Variants in CTNNA2 observed in about 807,000 individuals in gnomAD.
CTNNA2 encodes the protein catenin alpha-2.
A neutral mutation model predicts 101.0 loss-of-function variants in CTNNA2; 42 were observed. The ratio of observed to expected loss-of-function variants is 0.42; its 90% CI spans 0.32 to 0.54. CTNNA2 has a LOEUF of 0.54. CTNNA2 is among the 20% of genes least tolerant of loss of function. The pLI is 0.14. For missense variants in CTNNA2, 871 were observed against 1,223.1 expected (o/e 0.71, Z 4.29); for synonymous variants, 450 against 456.4 (o/e 0.99, Z 0.18).
chr2:79,661,102 A>T lies in CTNNA2; in HGVS notation c.102+9444A>T, dbSNP rs73938770. Among the ~76,000 whole-genome samples, 1,151 of 152,306 alleles carry T rather than the reference A, an allele frequency of 7.6e-3. 9 individuals are homozygous for T. Among genetic ancestry groups the T allele is most frequent in the African/African-American group, 0.026 (1,092 of 41,560 alleles). ...AACACACACCACCCTGTGCCATGTGATAAGTCACTTCTTTCCTCACCTTCA... is the reference window on the plus strand; with the variant it reads ...AACACACACCACCCTGTGCCATGTGTTAAGTCACTTCTTTCCTCACCTTCA... On this transcript the variant is annotated intron_variant, in intron 2 of 18. Transcript: ENST00000402739.
At chr2:80,484,357 A>T (rs540419661) in intron 9 of CTNNA2, among the ~76,000 whole-genome samples, 2 of 152,338 alleles carry the variant, frequency 1.3e-5, no homozygotes, top group South Asian at 4.1e-4. Flanking sequence ...GTGTGTGTGC[A>T]TTAGAGAGCT....
intron 7 of CTNNA2, among the ~76,000 whole-genome samples, chr2:80,331,020 T>C (rs1009607892): frequency 1.1e-4 from 12 of 107,106 alleles, no homozygotes; most frequent in Non-Finnish European, 1.7e-4. Flanking sequence ...TTAAACTGTA[T>C]GTTTTTTTTT....
intron 7 of CTNNA2, among the ~76,000 whole-genome samples, chr2:80,179,282 C>G (rs990537707): frequency 2.0e-5 from 3 of 152,204 alleles, no homozygotes; most frequent in African/African-American, 7.2e-5. Context: ...TGTCATTCTC[C>G]AAGATCCATC....
chr2:79,562,706 T>C (rs1261743910), intron 1 of CTNNA2, among the ~76,000 whole-genome samples: 2 of 152,102 alleles, frequency 1.3e-5, no homozygotes, highest in African/African-American at 4.8e-5. Context: ...AAAGAAATGC[T>C]TTGGGTATAT....
intron 7 of CTNNA2, among the ~76,000 whole-genome samples, chr2:80,268,212 A>G (rs767421301): frequency 1.1e-4 from 17 of 152,240 alleles, no homozygotes; most frequent in Non-Finnish European, 2.1e-4. Context: ...GGCTGGCACT[A>G]TTTTAAAGCA....
chr2:79,732,451 A>G (rs1482871851), intron 2 of CTNNA2, among the ~76,000 whole-genome samples: 1 of 152,134 alleles, frequency 6.6e-6, no homozygotes, highest in Non-Finnish European at 1.5e-5. Flanking sequence ...GCCAAATGTT[A>G]TAATAGAAAT....
chr2:79,501,919 T>G (rs1671324239), intron 4 of CTNNA2, among the ~76,000 whole-genome samples: 1 of 152,116 alleles, frequency 6.6e-6, no homozygotes, highest in African/African-American at 2.4e-5. Context: ...CTCATTGAAC[T>G]TTCTATTGCT....
intron 2 of CTNNA2, among the ~76,000 whole-genome samples, chr2:79,255,032 G>C (rs1250836932): frequency 6.6e-6 from 1 of 152,106 alleles, no homozygotes. Context: ...ACCTGAGAGA[G>C]GGTATTGGAA....
chr2:79,602,438 T>C (rs1187734124), intron 1 of CTNNA2, among the ~76,000 whole-genome samples: 1 of 152,136 alleles, frequency 6.6e-6, no homozygotes, highest in Non-Finnish European at 1.5e-5. Context: ...GCAAGGAATC[T>C]TTTCTTTAAA....
chr2:79,712,408 C>T (rs1685796691), intron 2 of CTNNA2, among the ~76,000 whole-genome samples: 1 of 152,178 alleles, frequency 6.6e-6, no homozygotes, highest in Non-Finnish European at 1.5e-5. Flanking sequence ...CTCTAAACAG[C>T]TGTGCAGCTT....
At chr2:80,332,692 G>A (rs1671439364) in intron 7 of CTNNA2, among the ~76,000 whole-genome samples, 1 of 152,196 alleles carries the variant, frequency 6.6e-6, no homozygotes, top group African/African-American at 2.4e-5. Flanking sequence ...AGCAGGCATG[G>A]TATGATCTTA....
chr2:79,735,460 GA>G (rs1670807201), intron 2 of CTNNA2, among the ~76,000 whole-genome samples: 1 of 152,036 alleles, frequency 6.6e-6, no homozygotes, highest in South Asian at 2.1e-4. Flanking sequence ...CTTTAGCCTA[GA>G]AAAATTTTAA....
intron 9 of CTNNA2, among the ~76,000 whole-genome samples, chr2:80,543,085 A>G (rs1046406651): frequency 6.6e-5 from 10 of 152,236 alleles, no homozygotes; most frequent in African/African-American, 2.4e-4. Flanking sequence ...ACTGTCTACA[A>G]TAAGTTACAC....
chr2:80,566,079 C>A (rs1261581431), intron 12 of CTNNA2, among the ~76,000 whole-genome samples: 1 of 152,124 alleles, frequency 6.6e-6, no homozygotes, highest in Non-Finnish European at 1.5e-5. Flanking sequence ...TTACTTAGGG[C>A]ATAGCTATTT....
intron 7 of CTNNA2, among the ~76,000 whole-genome samples, chr2:80,103,548 T>C (rs972285484): frequency 6.6e-6 from 1 of 152,162 alleles, no homozygotes. Context: ...GCACCTGCTA[T>C]ATGAATCAGC....
chr2:80,014,373 T>G (rs1367532645), intron 7 of CTNNA2, among the ~76,000 whole-genome samples: 1 of 139,338 alleles, frequency 7.2e-6, no homozygotes, highest in Admixed American at 7.3e-5. Flanking sequence ...CATGAAAAAG[T>G]GTTTTATTCT....
Position 80,005,390 on chromosome 2 carries a change from A to T in CTNNA2, c.1056+95593A>T, listed in dbSNP as rs189013133. Among the ~76,000 whole-genome samples, 60 of 152,278 alleles carry T rather than the reference A, an allele frequency of 3.9e-4. 1 individual carries two copies. In the East Asian group the frequency reaches 0.011, roughly 29 times the overall value. On this transcript the variant is annotated intron_variant, in intron 7 of 18. Coordinates refer to ENST00000402739, the MANE Select transcript of CTNNA2 (RefSeq NM_001282597.3). Reference sequence around the variant, plus strand: ...GAGGCTTTCAAATCTCTTGTTTACCATCTCCTACCATGAGTTCCTATCACA... The same window carrying T: ...GAGGCTTTCAAATCTCTTGTTTACCTTCTCCTACCATGAGTTCCTATCACA...
chr2:79,783,483 T>C (rs189051590), intron 3 of CTNNA2, among the ~76,000 whole-genome samples: 1 of 152,318 alleles, frequency 6.6e-6, no homozygotes, highest in East Asian at 1.9e-4. Context: ...TTCTCTGGAC[T>C]TCTTTTATTC....
intron 7 of CTNNA2, among the ~76,000 whole-genome samples, chr2:80,389,133 T>A (rs962215666): frequency 3.3e-5 from 5 of 152,184 alleles, no homozygotes; most frequent in Non-Finnish European, 5.9e-5. Flanking sequence ...CAAAAATAGT[T>A]TCTATGTAGT....
Sources: allele counts gnomAD v4.1 joint callset (sites outside exome capture counted in the v4.1 genomes callset), GRCh38; gene constraint gnomAD v4.1.1; transcripts MANE v1.5; gene names NCBI Gene and HGNC (gene_info 2026-07-23, HGNC 2026-07-21).